Variants in TMEM232 observed in about 807,000 individuals in gnomAD.
The protein encoded by TMEM232 is transmembrane protein 232.
Under a neutral mutation model 78.8 loss-of-function variants are expected in TMEM232, and 80 were observed. The ratio of observed to expected loss-of-function variants is 1.01; its 90% CI spans 0.85 to 1.22. TMEM232 has a LOEUF of 1.22. Ranked by LOEUF, TMEM232 falls within the 50% of genes most tolerant of loss-of-function variation. The pLI is 0.00. For synonymous variants in TMEM232, 297 were observed against 254.3 expected (o/e 1.17, Z -1.60); for missense variants, 881 against 742.2 (o/e 1.19, Z -2.17).
chr5:110,687,329 C>G (rs768054523), intron 1 of TMEM232, among the ~76,000 whole-genome samples: 1 of 152,144 alleles, frequency 6.6e-6, no homozygotes, highest in Non-Finnish European at 1.5e-5. Context: ...AGCATATATT[C>G]AGGGCAACTT....
At chr5:110,549,241 G>A (rs1308094634) in intron 11 of TMEM232, among the ~76,000 whole-genome samples, 1 of 151,962 alleles carries the variant, frequency 6.6e-6, no homozygotes. Context: ...AAGGAAATTA[G>A]CAGAAGAAAA....
intron 1 of TMEM232, among the ~76,000 whole-genome samples, chr5:110,713,510 G>A (rs1050275347): frequency 2.6e-5 from 4 of 151,592 alleles, no homozygotes; most frequent in Non-Finnish European, 5.9e-5. Context: ...TATAATATGT[G>A]TCCCATAAAT....
intron 12 of TMEM232, among the ~76,000 whole-genome samples, chr5:110,517,322 G>A (rs1237339240): frequency 6.6e-6 from 1 of 152,254 alleles, no homozygotes; most frequent in East Asian, 1.9e-4. Flanking sequence ...TTCTTTAGAC[G>A]GAGAATCAAG....
chr5:110,497,921 A>G (rs1217223159), intron 12 of TMEM232, among the ~76,000 whole-genome samples: 2 of 152,274 alleles, frequency 1.3e-5, no homozygotes, highest in African/African-American at 4.8e-5. Context: ...ATCTAATTCT[A>G]TGTCACTCAA....
At position 110,623,491 on chromosome 5, in the gene TMEM232, T is replaced by A. The variant is rs748070322; in HGVS notation, c.768+1776A>T. On this transcript the variant is annotated intron_variant, in intron 7 of 13. Transcript: ENST00000455884. ...CAATCATAAGGAAAGGAGATGAGATTGATGCAAATGTATCTATTTCCATTT... is the reference window on the plus strand; with the variant it reads ...CAATCATAAGGAAAGGAGATGAGATAGATGCAAATGTATCTATTTCCATTT... 3.3e-5 allele frequency among the ~76,000 whole-genome samples: 5 copies of A among 152,290 alleles called. No homozygotes were observed. In the South Asian group the frequency reaches 6.2e-4, roughly 19 times the overall value.
chr5:110,629,482 T>C (rs192224401), intron 5 of TMEM232, among the ~76,000 whole-genome samples: 2 of 152,248 alleles, frequency 1.3e-5, no homozygotes, highest in East Asian at 3.9e-4. Flanking sequence ...GGACTTTCTA[T>C]GTATTGTTCT....
intron 10 of TMEM232, among the ~76,000 whole-genome samples, chr5:110,589,739 C>T (rs1160788633): frequency 6.6e-6 from 1 of 151,930 alleles, no homozygotes; most frequent in Non-Finnish European, 1.5e-5. Context: ...TAGAAAAATG[C>T]CTGGAACATT....
intron 12 of TMEM232, among the ~76,000 whole-genome samples, chr5:110,436,557 C>T (rs1043633059): frequency 6.6e-6 from 1 of 151,984 alleles, no homozygotes; most frequent in Non-Finnish European, 1.5e-5. Context: ...AGAGTTTCCT[C>T]AATGTTTTCT....
rs189655328 is a variant in TMEM232 at position 110,413,024 on chromosome 5, A to G, written n.308+11799T>C. Among the ~76,000 whole-genome samples the G allele has an allele frequency of 2.8e-3, 430 of 152,302 alleles. 5 individuals are homozygous for G. The highest frequency in any genetic ancestry group is 0.027 in the Middle Eastern group (8 of 294). Reference sequence around the variant, plus strand: ...GTGTGATATTTAATAATGAGTGTCAACTTGATTGGATTGAAGGATGCAACG... The same window carrying G: ...GTGTGATATTTAATAATGAGTGTCAGCTTGATTGGATTGAAGGATGCAACG... On this transcript the variant is annotated intron_variant and non_coding_transcript_variant, in intron 2 of 8. Transcript: ENST00000507188.
At chr5:110,585,793 G>A (rs989364186) in intron 10 of TMEM232, among the ~76,000 whole-genome samples, 1 of 152,056 alleles carries the variant, frequency 6.6e-6, no homozygotes, top group Non-Finnish European at 1.5e-5. Context: ...TGCGGTCTCT[G>A]AAGTCCCTGA....
At chr5:110,620,990 G>GA (rs1783673808) in intron 7 of TMEM232, among the ~76,000 whole-genome samples, 1 of 149,014 alleles carries the variant, frequency 6.7e-6, no homozygotes, top group Non-Finnish European at 1.5e-5. Flanking sequence ...AGCCTGCCAA[G>GA]TAGCTGGGAT....
At chr5:110,702,394 C>T (rs749696247) in intron 1 of TMEM232, among the ~76,000 whole-genome samples, 11 of 151,954 alleles carry the variant, frequency 7.2e-5, no homozygotes, top group African/African-American at 1.4e-4. Context: ...TGCCATGCTC[C>T]TTAAGGCCAC....
At chr5:110,402,995 AAGAC>A (rs1755660129) in intron 2 of TMEM232, among the ~76,000 whole-genome samples, 1 of 152,140 alleles carries the variant, frequency 6.6e-6, no homozygotes, top group South Asian at 2.1e-4. Context: ...AGAAAACAAA[AAGAC>A]AAAAATAAGA....
intron 12 of TMEM232, among the ~76,000 whole-genome samples, chr5:110,467,789 T>C (rs1762238169): frequency 6.6e-6 from 1 of 152,232 alleles, no homozygotes; most frequent in South Asian, 2.1e-4. Context: ...TAGAATTCCA[T>C]GATCAATGTG....
intron 13 of TMEM232, among the ~76,000 whole-genome samples, chr5:110,424,343 A>G (rs1246963230): frequency 6.6e-6 from 1 of 152,196 alleles, no homozygotes; most frequent in Non-Finnish European, 1.5e-5. Context: ...TTAAGAAATT[A>G]TCAACAAAAT....
intron 12 of TMEM232, among the ~76,000 whole-genome samples, chr5:110,499,922 A>G (rs1429524264): frequency 6.6e-6 from 1 of 152,164 alleles, no homozygotes; most frequent in Non-Finnish European, 1.5e-5. Context: ...AACACACAAA[A>G]CTGCAGAATG....
intron 2 of TMEM232, among the ~76,000 whole-genome samples, chr5:110,660,708 CATAG>C (rs572334832): frequency 1.1e-3 from 169 of 152,088 alleles, no homozygotes; most frequent in African/African-American, 2.9e-3. Context: ...ATTGTGGATA[CATAG>C]ATAGTTGTAC....
intron 12 of TMEM232, among the ~76,000 whole-genome samples, chr5:110,515,773 G>A (rs116520972): frequency 7.9e-5 from 12 of 152,270 alleles, no homozygotes; most frequent in African/African-American, 2.9e-4. Context: ...TACGGCACCA[G>A]CTCCTTTTAT....
intron 6 of TMEM232, 67 bp from the exon 7 acceptor site, chr5:110,625,500 T>C: frequency 7.4e-7 from 1 of 1,351,710 alleles, no homozygotes; most frequent in Non-Finnish European, 9.7e-7. Context: ...TCATTTGTCT[T>C]TTAGCTATTA....
Sources: allele counts gnomAD v4.1 joint callset (sites outside exome capture counted in the v4.1 genomes callset), GRCh38; gene constraint gnomAD v4.1.1; transcripts MANE v1.5; gene names NCBI Gene and HGNC (gene_info 2026-07-23, HGNC 2026-07-21).